Variants in PCDH15 observed in about 807,000 individuals in gnomAD.
PCDH15 encodes protocadherin-15.
Under a neutral mutation model 178.5 loss-of-function variants are expected in PCDH15, and 129 were observed. The observed-to-expected ratio is 0.72, with a 90% CI of 0.63 to 0.84. PCDH15 has a LOEUF of 0.84. Ranked by LOEUF, PCDH15 falls within the 40% of genes least tolerant of loss-of-function variation. The pLI, the probability that PCDH15 is intolerant of heterozygous loss-of-function variation, is 0.00. For missense variants in PCDH15, 2,230 were observed against 2,099.9 expected (o/e 1.06, Z -1.21); for synonymous variants, 800 against 732.0 (o/e 1.09, Z -1.50).
intron 1 of PCDH15, among the ~76,000 whole-genome samples, chr10:54,769,092 A>G (rs138980475): frequency 5.3e-4 from 80 of 152,262 alleles, no homozygotes; most frequent in African/African-American, 1.9e-3. Flanking sequence ...TTTGTATATA[A>G]TATATCAGAT....
chr10:55,146,840 G>A (rs1838526222), intron 2 of PCDH15, among the ~76,000 whole-genome samples: 1 of 124,132 alleles, frequency 8.1e-6, no homozygotes, highest in Admixed American at 9.0e-5. Context: ...GACCAAGTGT[G>A]CATATGTACT....
At chr10:54,438,342 T>C (rs2075570335) in intron 3 of PCDH15, among the ~76,000 whole-genome samples, 1 of 151,006 alleles carries the variant, frequency 6.6e-6, no homozygotes, top group Non-Finnish European at 1.5e-5. Context: ...AAATGCTTCT[T>C]CTGTCGGGGA....
intron 2 of PCDH15, among the ~76,000 whole-genome samples, chr10:55,612,320 A>T (rs1156232238): frequency 1.3e-5 from 2 of 152,098 alleles, no homozygotes; most frequent in African/African-American, 2.4e-5. Context: ...CAAATAAAAA[A>T]TTAAGATGGA....
intron 2 of PCDH15, among the ~76,000 whole-genome samples, chr10:55,099,620 A>T (rs2132044426): frequency 6.6e-6 from 1 of 152,228 alleles, no homozygotes; most frequent in African/African-American, 2.4e-5. Context: ...TTTTCTATTC[A>T]TATTCCTTGG....
chr10:55,537,826 AT>A (rs1564441443), intron 2 of PCDH15, among the ~76,000 whole-genome samples: 1 of 152,166 alleles, frequency 6.6e-6, no homozygotes, highest in African/African-American at 2.4e-5. Context: ...CCTTTCAGAG[AT>A]TTTACACCTG....
intron 18 of PCDH15, among the ~76,000 whole-genome samples, chr10:54,054,224 T>C (rs2135669590): frequency 6.6e-6 from 1 of 152,202 alleles, no homozygotes; most frequent in East Asian, 1.9e-4. Flanking sequence ...AGCATCTCAA[T>C]GTAAGTAAAG....
rs139684809 is a variant in PCDH15, at chr10:53,903,386, C to T, written c.3374-16G>A. 6.8e-4 allele frequency: 1,091 copies of T among 1,611,242 alleles called. 1 individual carries two copies. Among genetic ancestry groups the T allele is most frequent in the Non-Finnish European group, 8.5e-4 (1,007 of 1,178,708 alleles). On this transcript the variant is annotated splice_polypyrimidine_tract_variant and intron_variant, in intron 25 of 37. Coordinates refer to ENST00000644397, the MANE Select transcript of PCDH15 (RefSeq NM_001384140.1). ...GCTGTATTGCCTGGAGGACAAGAAA[C>T]GATGCATTTTTTATTGGTGGTTATT...
chr10:54,903,194 A>C (rs988871661), intron 2 of PCDH15, among the ~76,000 whole-genome samples: 2 of 152,214 alleles, frequency 1.3e-5, no homozygotes, highest in Admixed American at 1.3e-4. Context: ...ATACCAAGCC[A>C]ATAACATCAA....
intron 8 of PCDH15, among the ~76,000 whole-genome samples, chr10:54,274,450 T>C (rs1379661274): frequency 6.6e-6 from 1 of 152,052 alleles, no homozygotes; most frequent in African/African-American, 2.4e-5. Context: ...CACACTTTAT[T>C]AGAATATGAG....
At chr10:55,025,022 C>T (rs10825440) in intron 2 of PCDH15, among the ~76,000 whole-genome samples, 149,091 of 152,236 alleles carry the variant, frequency 0.98, 73,028 homozygotes, top group Middle Eastern at 1. Context: ...GTTTCCAGTG[C>T]CCATGGGATA....
intron 2 of PCDH15, among the ~76,000 whole-genome samples, chr10:55,400,456 T>C (rs1206591731): frequency 6.6e-6 from 1 of 152,172 alleles, no homozygotes; most frequent in Admixed American, 6.5e-5. Context: ...TCCTAACATA[T>C]TCACTACATT....
chr10:54,333,437 A>G (rs988194314), intron 6 of PCDH15, among the ~76,000 whole-genome samples: 9 of 152,120 alleles, frequency 5.9e-5, no homozygotes, highest in Admixed American at 5.2e-4. Flanking sequence ...TAGAAGCAAA[A>G]TATAGATATC....
At chr10:54,060,023 A>G (rs191126966) in intron 18 of PCDH15, among the ~76,000 whole-genome samples, 75 of 152,358 alleles carry the variant, frequency 4.9e-4, no homozygotes, top group African/African-American at 1.8e-3. Context: ...ACAAAAATAC[A>G]AAAATCAGGA....
At position 55,435,094 on chromosome 10, in the gene PCDH15, A is replaced by C. The variant is rs140822075; in HGVS notation, c.-156+192531T>G. Among the ~76,000 whole-genome samples the C allele has an allele frequency of 5.7e-3, 867 of 152,306 alleles. 10 individuals are homozygous for C. Among genetic ancestry groups the C allele is most frequent in the African/African-American group, 0.02 (822 of 41,574 alleles). Reference sequence around the variant, plus strand: ...GAAAGAAGATGGAAATGTGTGATTTAAGAAATCAAAAGGAATTTAAGTGAA... The same window carrying C: ...GAAAGAAGATGGAAATGTGTGATTTCAGAAATCAAAAGGAATTTAAGTGAA... On this transcript the variant is annotated intron_variant, in intron 2 of 5. Coordinates refer to the PCDH15 transcript ENST00000613346.
intron 2 of PCDH15, among the ~76,000 whole-genome samples, chr10:55,442,729 T>G (rs1201201129): frequency 6.6e-6 from 1 of 151,762 alleles, no homozygotes; most frequent in East Asian, 1.9e-4. Context: ...AATGATAAAC[T>G]AGATTGTGAA....
intron 2 of PCDH15, among the ~76,000 whole-genome samples, chr10:55,462,872 G>A (rs1333527598): frequency 6.6e-6 from 1 of 152,064 alleles, no homozygotes; most frequent in African/African-American, 2.4e-5. Context: ...TATAAAGTGT[G>A]CATCATTTTC....
intron 28 of PCDH15, among the ~76,000 whole-genome samples, chr10:53,851,842 T>C (rs1042197550): frequency 6.6e-5 from 10 of 151,150 alleles, no homozygotes; most frequent in African/African-American, 2.4e-4. Flanking sequence ...GAACTATAGA[T>C]TGATTACACA....
intron 26 of PCDH15, among the ~76,000 whole-genome samples, chr10:53,901,702 C>T (rs191291032): frequency 1.0e-3 from 155 of 152,262 alleles, no homozygotes; most frequent in African/African-American, 3.7e-3. Flanking sequence ...CTTTTTCATT[C>T]ACACTAGCCT....
chr10:55,450,568 C>G (rs1006035593), intron 2 of PCDH15, among the ~76,000 whole-genome samples: 1 of 152,066 alleles, frequency 6.6e-6, no homozygotes, highest in African/African-American at 2.4e-5. Flanking sequence ...TCAAAGACAT[C>G]AAATGTTGTA....
Sources: allele counts gnomAD v4.1 joint callset (sites outside exome capture counted in the v4.1 genomes callset), GRCh38; gene constraint gnomAD v4.1.1; transcripts MANE v1.5; gene names NCBI Gene and HGNC (gene_info 2026-07-23, HGNC 2026-07-21).